The following ECPAS variants were observed in gnomAD, a reference collection of about 807,000 sequenced individuals.
The protein encoded by ECPAS is proteasome adapter and scaffold protein ECM29.
A neutral mutation model predicts 255.1 loss-of-function variants in ECPAS; 70 were observed. That is an observed-to-expected ratio of 0.27 (90% CI 0.23 to 0.33). The LOEUF is 0.33. Ranked by LOEUF, ECPAS falls within the 10% of genes least tolerant of loss-of-function variation. The probability of loss-of-function intolerance (pLI) is 1.00; values close to 1 mark genes in which losing one functional copy is unlikely to be tolerated. For synonymous variants in ECPAS, 784 were observed against 775.0 expected (o/e 1.01, Z -0.19); for missense variants, 1,817 against 2,206.4 (o/e 0.82, Z 3.54).
chr9:111,455,166 C>A (rs1050458962), intron 2 of ECPAS, among the ~76,000 whole-genome samples: 1 of 152,188 alleles, frequency 6.6e-6, no homozygotes, highest in African/African-American at 2.4e-5. Context: ...AGAGTTTACA[C>A]AGACCCAGGA....
Position 111,414,437 on chromosome 9 carries a change from C to T in ECPAS, c.1979G>A (p.Gly660Asp), listed in dbSNP as rs2098199893. 1.2e-6 allele frequency: 2 copies of T among 1,613,800 alleles called. No homozygotes were observed. The highest frequency in any genetic ancestry group is 1.3e-5 in the African/African-American group (1 of 75,064). ...YIGLLQQLLA[G>D]VGGLPVMYCL... ...GCGTCACATATTCCTACCTCCAACACCTGCTAACAGCTGCTGAAGCAGGCC... is the reference window on the plus strand; with the variant it reads ...GCGTCACATATTCCTACCTCCAACATCTGCTAACAGCTGCTGAAGCAGGCC... Residue 660 changes from glycine (G) to aspartate (D), a missense_variant, in exon 19 of 50, where the codon GGT becomes GAT. Coordinates refer to ENST00000684092, the MANE Select transcript of ECPAS (RefSeq NM_001364929.1).
At chr9:111,470,747 C>CACACACACACAG (rs2098286674) in intron 2 of ECPAS, among the ~76,000 whole-genome samples, 1 of 14,470 alleles carries the variant, frequency 6.9e-5, no homozygotes. Flanking sequence ...CTCCTCCCGC[C>CACACACACACAG]ACACACACAC....
At chr9:111,464,957 G>C (rs990522421) in intron 2 of ECPAS, among the ~76,000 whole-genome samples, 12 of 152,136 alleles carry the variant, frequency 7.9e-5, no homozygotes, top group African/African-American at 2.7e-4. Flanking sequence ...GCCAAGGCCA[G>C]TGGATCACCT....
At chr9:111,481,858 G>GT (rs2098305909) in intron 1 of ECPAS, among the ~76,000 whole-genome samples, 1 of 152,236 alleles carries the variant, frequency 6.6e-6, no homozygotes, top group African/African-American at 2.4e-5. Flanking sequence ...CACAAATTCT[G>GT]TATGATTCCA....
chr9:111,372,624 A>G lies in ECPAS; in HGVS notation c.4337-4T>C. The G allele has an allele frequency of 6.3e-7, 1 of 1,598,360 alleles. No individual in the cohort carries two copies. The highest frequency in any genetic ancestry group is 8.5e-7 in the Non-Finnish European group (1 of 1,171,512). On this transcript the variant is annotated splice_region_variant and splice_polypyrimidine_tract_variant and intron_variant, in intron 41 of 49. Coordinates refer to ENST00000684092, the MANE Select transcript of ECPAS (RefSeq NM_001364929.1). Reference sequence around the variant, plus strand: ...CAAGAGGTCTTGTAGATAGGTTCTGAAAAGGAGAAACCAAAATCTTTACGA... The same window carrying G: ...CAAGAGGTCTTGTAGATAGGTTCTGGAAAGGAGAAACCAAAATCTTTACGA...
chr9:111,411,430 G>A (rs1252696024), intron 21 of ECPAS, among the ~76,000 whole-genome samples: 1 of 152,138 alleles, frequency 6.6e-6, no homozygotes, highest in Non-Finnish European at 1.5e-5. Context: ...TTTCCTACAT[G>A]CTCCTACATG....
intron 12 of ECPAS, among the ~76,000 whole-genome samples, chr9:111,423,723 T>G (rs2131807786): frequency 6.6e-6 from 1 of 152,340 alleles, no homozygotes. Context: ...TACACTGTAA[T>G]GAACAGCTTT....
chr9:111,418,371 C>T (rs1423983371), intron 16 of ECPAS, among the ~76,000 whole-genome samples: 1 of 152,144 alleles, frequency 6.6e-6, no homozygotes, highest in Non-Finnish European at 1.5e-5. Flanking sequence ...CAGTGGTCTA[C>T]ACACTCCACC....
chr9:111,419,912 G>A, intron 16 of ECPAS, 105 bp downstream of exon 16: 1 of 782,148 alleles, frequency 1.3e-6, no homozygotes, highest in Non-Finnish European at 2.2e-6. Context: ...TTAATAAATA[G>A]CTTCTAAATT....
At position 111,392,897 on chromosome 9, in the gene ECPAS, G is replaced by A. The variant is rs766191132; in HGVS notation, c.2978-15C>T. The A allele has an allele frequency of 6.4e-7, 1 of 1,573,910 alleles. No homozygotes were observed. Among genetic ancestry groups the A allele is most frequent in the Admixed American group, 1.8e-5 (1 of 54,096 alleles). On this transcript the variant is annotated splice_polypyrimidine_tract_variant and intron_variant, in intron 27 of 49. Transcript: ENST00000684092. ...TTGGCTAAGTTCTACAAGAAAGTCA[G>A]ACAAGATTGTATCACTTTAAAAAAA...
chr9:111,375,916 G>A (rs886137681), intron 37 of ECPAS, among the ~76,000 whole-genome samples: 1 of 152,064 alleles, frequency 6.6e-6, no homozygotes, highest in South Asian at 2.1e-4. Context: ...CTAATTTCCA[G>A]TAAACACAAT....
chr9:111,378,983 T>G (rs560506428), intron 35 of ECPAS, among the ~76,000 whole-genome samples: 1 of 152,206 alleles, frequency 6.6e-6, no homozygotes, highest in South Asian at 2.1e-4. Context: ...TCCATGTATT[T>G]ATTTATAGTA....
intron 39 of ECPAS, among the ~76,000 whole-genome samples, chr9:111,373,654 C>G (rs1205345863): frequency 6.6e-6 from 1 of 152,138 alleles, no homozygotes; most frequent in Non-Finnish European, 1.5e-5. Flanking sequence ...CTAGTCCAGT[C>G]TAGAAGCCAA....
intron 17 of ECPAS, among the ~76,000 whole-genome samples, chr9:111,416,972 T>C (rs541425767): frequency 6.6e-6 from 1 of 152,160 alleles, no homozygotes; most frequent in Non-Finnish European, 1.5e-5. Context: ...GGGAAGAACA[T>C]GAACTGTTCC....
intron 20 of ECPAS, 106 bp from the exon 21 acceptor site, chr9:111,412,254 G>C: frequency 2.1e-6 from 2 of 965,762 alleles, no homozygotes; most frequent in East Asian, 3.2e-5. Context: ...GATGGATATT[G>C]AGAAAAAAAC....
Position 111,394,168 on chromosome 9 carries a change from C to T in ECPAS, c.2914G>A (p.Glu972Lys), listed in dbSNP as rs2098164293. The change falls in exon 26 of 50, where the codon GAA (glutamate) becomes AAA (lysine). Residue 972 changes from glutamate to lysine, a missense_variant. Physicochemically the swap from Glu to Lys is moderately conservative, Grantham distance 56. Transcript: ENST00000684092. ...SLVRKLSTHKEVKSHLKEIQS... is the reference protein window; with the variant it reads ...SLVRKLSTHKKVKSHLKEIQS... Reference sequence around the variant, plus strand: ...CATACAGCATGGCTCACCTTCACTTCTTTGTGGGTACTTAGCTTCCTGACA... The same window carrying T: ...CATACAGCATGGCTCACCTTCACTTTTTTGTGGGTACTTAGCTTCCTGACA... 6.2e-7 allele frequency: 1 copy of T among 1,605,838 alleles called. No individual in the cohort carries two copies. Among genetic ancestry groups the T allele is most frequent in the Non-Finnish European group, 8.5e-7 (1 of 1,176,528 alleles).
At chr9:111,409,875 T>G (rs1350492876) in intron 23 of ECPAS, among the ~76,000 whole-genome samples, 166 bp downstream of exon 23, 1 of 152,182 alleles carries the variant, frequency 6.6e-6, no homozygotes, top group Non-Finnish European at 1.5e-5. Flanking sequence ...ACAGATAACC[T>G]CTAGCTCAAA....
chr9:111,462,488 G>A (rs1388829803), intron 2 of ECPAS, among the ~76,000 whole-genome samples: 1 of 152,060 alleles, frequency 6.6e-6, no homozygotes, highest in Non-Finnish European at 1.5e-5. Context: ...TGATATTTAT[G>A]GGATAGGGTA....
intron 27 of ECPAS, among the ~76,000 whole-genome samples, chr9:111,393,454 T>C (rs1464334870): frequency 6.6e-6 from 1 of 152,220 alleles, no homozygotes. Flanking sequence ...TGTTCTAATG[T>C]ATAAACCAAT....
Sources: gnomAD v4.1 joint callset for allele counts (sites outside exome capture counted in the v4.1 genomes callset) on GRCh38, gnomAD v4.1.1 for gene constraint, MANE v1.5 for transcripts, NCBI Gene and HGNC (gene_info 2026-07-23, HGNC 2026-07-21) for gene names.